Variants in KAZN observed in about 807,000 individuals in gnomAD.
The protein encoded by KAZN is kazrin.
KAZN carries 40 observed loss-of-function variants against 87.4 expected under a neutral mutation model. That is an observed-to-expected ratio of 0.46 (90% CI 0.36 to 0.60). The LOEUF (loss-of-function observed/expected upper bound fraction) is 0.60, where lower values mean the gene tolerates loss of function less well. Ranked by LOEUF, KAZN falls within the 20% of genes least tolerant of loss-of-function variation. KAZN has a pLI of 0.00. For synonymous variants in KAZN, 466 were observed against 458.3 expected, an observed-to-expected ratio of 1.02 and a Z score of -0.22; for missense variants, 898 against 1,073.9, an observed-to-expected ratio of 0.84 and a Z score of 2.29.
intron 2 of KAZN, among the ~76,000 whole-genome samples, chr1:15,013,058 C>G (rs943819592): frequency 6.6e-6 from 1 of 152,216 alleles, no homozygotes; most frequent in Non-Finnish European, 1.5e-5. Context: ...TTTAGCTAAG[C>G]TCAGGCAATG....
At chr1:14,062,435 T>C (rs1642831832) in intron 1 of KAZN, among the ~76,000 whole-genome samples, 1 of 152,222 alleles carries the variant, frequency 6.6e-6, no homozygotes, top group Non-Finnish European at 1.5e-5. Context: ...ACTTTCTAAA[T>C]GGCTTTGTTA....
chr1:14,914,664 G>A (rs561624298), intron 1 of KAZN, among the ~76,000 whole-genome samples: 21 of 152,276 alleles, frequency 1.4e-4, no homozygotes, highest in African/African-American at 4.8e-4. Flanking sequence ...GAGAATGGGT[G>A]GCAGGGGCTC....
chr1:13,903,075 C>T (rs937172832), intron 1 of KAZN, among the ~76,000 whole-genome samples: 1 of 152,208 alleles, frequency 6.6e-6, no homozygotes, highest in African/African-American at 2.4e-5. Context: ...GAAGTCTTAA[C>T]ACTGACAATG....
chr1:13,893,657 A>C (rs966431766), exon 1 of KAZN: 1 of 1,550,316 alleles, frequency 6.5e-7, no homozygotes, highest in Admixed American at 2.0e-5. Flanking sequence ...CAAAGACCCC[A>C]AAAGAGCCAT....
At chr1:14,842,440 A>G (rs566547437) in intron 1 of KAZN, among the ~76,000 whole-genome samples, 3 of 152,322 alleles carry the variant, frequency 2.0e-5, no homozygotes, top group Non-Finnish European at 4.4e-5. Context: ...CCTGGAGCCA[A>G]TGTCAGTCCA....
intron 2 of KAZN, among the ~76,000 whole-genome samples, chr1:14,447,229 T>TATA (rs1226848207): frequency 3.4e-5 from 5 of 146,038 alleles, no homozygotes; most frequent in African/African-American, 1.3e-4. Flanking sequence ...TTATTATTAT[T>TATA]ATTATTATTA....
At chr1:14,413,303 G>A (rs1664454157) in intron 2 of KAZN, among the ~76,000 whole-genome samples, 1 of 151,906 alleles carries the variant, frequency 6.6e-6, no homozygotes, top group Non-Finnish European at 1.5e-5. Flanking sequence ...CCTTTAAAAT[G>A]CATTTGGCCA....
chr1:14,365,799 TCAAAA>T (rs1377913267), intron 2 of KAZN, among the ~76,000 whole-genome samples: 3 of 152,278 alleles, frequency 2.0e-5, no homozygotes, highest in Non-Finnish European at 4.4e-5. Flanking sequence ...CTAGACTAAC[TCAAAA>T]CAAAAAGACT....
chr1:13,981,770 G>A (rs536764647), intron 1 of KAZN, among the ~76,000 whole-genome samples: 3 of 152,282 alleles, frequency 2.0e-5, no homozygotes, highest in African/African-American at 4.8e-5. Flanking sequence ...TCTGGCTCTC[G>A]TTCAGCAGGG....
chr1:14,374,779 C>T (rs750273917), intron 2 of KAZN, among the ~76,000 whole-genome samples: 1 of 152,140 alleles, frequency 6.6e-6, no homozygotes, highest in African/African-American at 2.4e-5. Context: ...CAAATCATCA[C>T]GCTCCCTGTA....
At chr1:14,867,724 A>ATCCCC (rs35065469) in intron 1 of KAZN, among the ~76,000 whole-genome samples, 39 of 107,422 alleles carry the variant, frequency 3.6e-4, no homozygotes, top group African/African-American at 4.1e-4. Flanking sequence ...CTTTGAAGAC[A>ATCCCC]CCCCCCCCCC....
intron 10 of KAZN, among the ~76,000 whole-genome samples, chr1:15,095,302 T>C (rs1005609037): frequency 1.2e-4 from 18 of 151,652 alleles, no homozygotes; most frequent in African/African-American, 4.4e-4. Context: ...TTACCATACA[T>C]AACAGGGTGA....
intron 1 of KAZN, among the ~76,000 whole-genome samples, chr1:13,907,649 T>G (rs922919059): frequency 6.6e-6 from 1 of 152,236 alleles, no homozygotes; most frequent in Non-Finnish European, 1.5e-5. Flanking sequence ...TGTTATCTCC[T>G]GGTCCAATAG....
chr1:14,398,530 C>T (rs1272871754), intron 2 of KAZN, among the ~76,000 whole-genome samples: 12 of 152,104 alleles, frequency 7.9e-5, no homozygotes, highest in African/African-American at 2.9e-4. Context: ...TGAGACTTGG[C>T]GAGAGCAGGC....
At chr1:14,368,719 GAAGA>G (rs1328070595) in intron 2 of KAZN, among the ~76,000 whole-genome samples, 1 of 152,178 alleles carries the variant, frequency 6.6e-6, no homozygotes, top group Non-Finnish European at 1.5e-5. Flanking sequence ...CACCCAAACT[GAAGA>G]AAGAGAAGGC....
chr1:14,162,652 C>T (rs1645734791), intron 1 of KAZN, among the ~76,000 whole-genome samples: 1 of 151,322 alleles, frequency 6.6e-6, no homozygotes, highest in Non-Finnish European at 1.5e-5. Flanking sequence ...TCACGCCATT[C>T]TCCTGCCTCA....
At chr1:14,310,070 G>A (rs528095762) in intron 2 of KAZN, among the ~76,000 whole-genome samples, 4 of 152,212 alleles carry the variant, frequency 2.6e-5, no homozygotes, top group African/African-American at 7.2e-5. Context: ...TTGGAGCAAC[G>A]GGCGGCAAGG....
At chr1:15,006,815 G>C (rs1400446133) in intron 2 of KAZN, among the ~76,000 whole-genome samples, 2 of 152,090 alleles carry the variant, frequency 1.3e-5, no homozygotes, top group African/African-American at 4.8e-5. Context: ...CCAGCACTTT[G>C]GGAGGCCGAG....
intron 4 of KAZN, among the ~76,000 whole-genome samples, chr1:15,054,017 G>C (rs1053162045): frequency 6.6e-6 from 1 of 152,128 alleles, no homozygotes; most frequent in Non-Finnish European, 1.5e-5. Flanking sequence ...GCTCAGAGGA[G>C]GGAGTGACTT....
Sources: gnomAD v4.1 joint callset for allele counts (sites outside exome capture counted in the v4.1 genomes callset) on GRCh38, gnomAD v4.1.1 for gene constraint, MANE v1.5 for transcripts, NCBI Gene and HGNC (gene_info 2026-07-23, HGNC 2026-07-21) for gene names.